The following CPVL variants were observed in gnomAD, a reference collection of about 807,000 sequenced individuals.
The protein encoded by CPVL is probable serine carboxypeptidase CPVL.
In CPVL, 51 loss-of-function variants were observed where a neutral mutation model predicts 63.7. That is an observed-to-expected ratio of 0.80 (90% CI 0.64 to 1.01). The LOEUF (loss-of-function observed/expected upper bound fraction) is 1.01, where lower values mean the gene tolerates loss of function less well. CPVL is among the 50% of genes least tolerant of loss of function. The pLI, the probability that CPVL is intolerant of heterozygous loss-of-function variation, is 0.00. For missense variants in CPVL, 530 were observed against 573.1 expected (o/e 0.92, Z 0.77); for synonymous variants, 195 against 206.0 (o/e 0.95, Z 0.46).
chr7:29,152,025 A>G (rs1793663537), intron 5 of CPVL, among the ~76,000 whole-genome samples: 1 of 152,176 alleles, frequency 6.6e-6, no homozygotes, highest in South Asian at 2.1e-4. Flanking sequence ...TCGAATGGAA[A>G]TAGTGGTTAG....
At chr7:29,014,322 TTTTTGTTTTG>T (rs201447528) in intron 12 of CPVL, among the ~76,000 whole-genome samples, 33 of 152,106 alleles carry the variant, frequency 2.2e-4, no homozygotes, top group African/African-American at 6.3e-4. Context: ...AAGCCAAAGC[TTTTTGTTTTG>T]TTTTGTTTTG....
chr7:29,115,167 A>G (rs374945326), intron 2 of CPVL, among the ~76,000 whole-genome samples: 1 of 152,226 alleles, frequency 6.6e-6, no homozygotes, highest in South Asian at 2.1e-4. Flanking sequence ...ACAAAAATGC[A>G]TATGAACCCT....
chr7:29,030,565 G>C lies in CPVL; in HGVS notation c.1320+12C>G, dbSNP rs759176203. 4 of 1,605,832 alleles carry C rather than the reference G, an allele frequency of 2.5e-6. No homozygotes were observed. In the Admixed American group the frequency reaches 6.7e-5, roughly 27 times the overall value. On this transcript the variant is annotated intron_variant, in intron 12 of 12. Transcript: ENST00000265394. ...ATTCCCACAACCTGCCTGCTCCCAA[G>C]CATCTTCCTACCTGATGGAAGTCAC...
upstream of CPVL, chr7:29,146,575 T>TAGGCTCACATGACCC: frequency 6.5e-7 from 1 of 1,548,154 alleles, no homozygotes; most frequent in East Asian, 2.4e-5. Flanking sequence ...AGCGCTCCTC[T>TAGGCTCACATGACCC]AGGCTCACAT....
At position 29,067,368 on chromosome 7, in the gene CPVL, C is replaced by A. The variant is rs1334427742; in HGVS notation, c.865-1247G>T. Among the ~76,000 whole-genome samples the A allele has an allele frequency of 2.6e-5, 4 of 152,122 alleles. No individual in the cohort carries two copies. The East Asian group carries it at 7.7e-4, about 29-fold the overall frequency. On this transcript the variant is annotated intron_variant, in intron 9 of 12. Transcript: ENST00000265394. ...GAGGGAGTAACCAGGGGTTGGTAGG[C>A]AGACACAGTTGGAAGTGGTCAGAGG...
chr7:29,068,478 T>G (rs1783362030), intron 9 of CPVL, among the ~76,000 whole-genome samples: 2 of 152,080 alleles, frequency 1.3e-5, no homozygotes, highest in Admixed American at 1.3e-4. Context: ...GCCCCACATC[T>G]GGTTGTGCAG....
At chr7:29,189,042 C>T (rs1474540798) in intron 1 of CPVL, among the ~76,000 whole-genome samples, 1 of 151,616 alleles carries the variant, frequency 6.6e-6, no homozygotes, top group East Asian at 1.9e-4. Context: ...CCTCTGCCTC[C>T]TGGGTTCAAG....
intron 5 of CPVL, among the ~76,000 whole-genome samples, chr7:29,175,311 A>G (rs1207160232): frequency 6.6e-6 from 1 of 151,696 alleles, no homozygotes; most frequent in Non-Finnish European, 1.5e-5. Context: ...AGTAGCTGGG[A>G]TTACAGGCGC....
intron 1 of CPVL, chr7:29,124,991 C>T (rs920561497): frequency 2.6e-5 from 4 of 152,132 alleles, no homozygotes; most frequent in Non-Finnish European, 4.4e-5. Flanking sequence ...CTTTCTCTAA[C>T]ATTCTGTTAA....
chr7:29,100,485 G>A (rs1452007153), intron 3 of CPVL, among the ~76,000 whole-genome samples: 1 of 151,974 alleles, frequency 6.6e-6, no homozygotes, highest in Non-Finnish European at 1.5e-5. Context: ...CAGGCCTCTG[G>A]TCTCCAGCCT....
intron 1 of CPVL, among the ~76,000 whole-genome samples, chr7:29,123,609 AAAAAAAAAAAAAAAAAAAAATATATAT>A (rs1789603074): frequency 2.2e-5 from 2 of 91,036 alleles, no homozygotes; most frequent in Admixed American, 1.2e-4. Flanking sequence ...AAAAAAAAAA[AAAAAAAAAAAAAAAAAAAAATATATAT>A]ATATATATAT....
chr7:29,157,641 C>T (rs1794591963), intron 5 of CPVL, among the ~76,000 whole-genome samples: 3 of 152,178 alleles, frequency 2.0e-5, no homozygotes, highest in African/African-American at 2.4e-5. Flanking sequence ...TGTTATTTCT[C>T]TCCGCTCCAT....
intron 7 of CPVL, among the ~76,000 whole-genome samples, chr7:29,081,094 A>G (rs535547469): frequency 8.5e-5 from 13 of 152,218 alleles, no homozygotes; most frequent in Admixed American, 2.6e-4. Flanking sequence ...CCTGTCACCT[A>G]CCTGCCTTCC....
intron 11 of CPVL, among the ~76,000 whole-genome samples, chr7:29,031,256 A>T (rs996049177): frequency 6.6e-6 from 1 of 152,220 alleles, no homozygotes; most frequent in Non-Finnish European, 1.5e-5. Flanking sequence ...AGCAGCAGAC[A>T]GAGAGATTCA....
intron 12 of CPVL, among the ~76,000 whole-genome samples, chr7:29,003,724 G>A (rs1327793595): frequency 2.6e-5 from 4 of 152,174 alleles, no homozygotes; most frequent in Non-Finnish European, 5.9e-5. Flanking sequence ...CAATTTTGTG[G>A]GAGACGGTTT....
At position 29,094,850 on chromosome 7, in the gene CPVL, G is replaced by GA. The variant is rs913594163; in HGVS notation, c.462+233dup. On this transcript the variant is annotated intron_variant, in intron 5 of 12. Transcript: ENST00000265394. ...GACAGAGCGAGACTCCATCTCAATA[G>GA]AAAAAAAAAAAATGAGGAAATGAGA... Among the ~76,000 whole-genome samples, 124 of 123,788 alleles carry GA rather than the reference G, an allele frequency of 1.0e-3. 1 individual carries two copies. Among genetic ancestry groups the GA allele is most frequent in the East Asian group, 5.4e-3 (24 of 4,428 alleles). The allele number at this position is 123,788 out of a possible 152,430, so 81.2% of individuals were successfully genotyped here.
At chr7:29,083,834 C>T (rs1784963147) in intron 7 of CPVL, among the ~76,000 whole-genome samples, 1 of 152,126 alleles carries the variant, frequency 6.6e-6, no homozygotes, top group Non-Finnish European at 1.5e-5. Flanking sequence ...ATTGTCACCT[C>T]CTCTGCTTGG....
intron 9 of CPVL, among the ~76,000 whole-genome samples, chr7:29,069,428 G>A (rs1314509857): frequency 3.9e-5 from 5 of 128,754 alleles, no homozygotes; most frequent in East Asian, 4.5e-4. Context: ...GCAAGAGAGC[G>A]AGACTCCGTC....
chr7:29,103,248 G>GTTTT (rs71555783), intron 3 of CPVL, among the ~76,000 whole-genome samples: 9 of 96,190 alleles, frequency 9.4e-5, no homozygotes, highest in African/African-American at 2.6e-4. Flanking sequence ...TTGTTGTTTT[G>GTTTT]TTTTTTTTTT....
Sources: allele counts gnomAD v4.1 joint callset (sites outside exome capture counted in the v4.1 genomes callset), GRCh38; gene constraint gnomAD v4.1.1; transcripts MANE v1.5; gene names NCBI Gene and HGNC (gene_info 2026-07-23, HGNC 2026-07-21).